Variants in SETBP1 observed in about 807,000 individuals in gnomAD.
The protein encoded by SETBP1 is SET-binding protein.
A neutral mutation model predicts 101.0 loss-of-function variants in SETBP1; 9 were observed. That is an observed-to-expected ratio of 0.09 (90% CI 0.05 to 0.16). The LOEUF is 0.16. Ranked by LOEUF, SETBP1 falls within the 10% of genes least tolerant of loss-of-function variation. The pLI, the probability that SETBP1 is intolerant of heterozygous loss-of-function variation, is 1.00. For synonymous variants in SETBP1, 818 were observed against 788.5 expected (o/e 1.04, Z -0.63); for missense variants, 1,858 against 2,033.8 (o/e 0.91, Z 1.66).
At chr18:45,015,908 G>A (rs1196289654) in intron 4 of SETBP1, among the ~76,000 whole-genome samples, 1 of 152,210 alleles carries the variant, frequency 6.6e-6, no homozygotes, top group Non-Finnish European at 1.5e-5. Context: ...CTTACAAGAT[G>A]TCACATGTAT....
chr18:44,947,007 CTTCA>C (rs1016857633), intron 3 of SETBP1, among the ~76,000 whole-genome samples: 10 of 152,164 alleles, frequency 6.6e-5, no homozygotes, highest in African/African-American at 2.4e-4. Context: ...ATGTATGCTT[CTTCA>C]TTCATTCAGT....
At chr18:44,921,026 C>G (rs904649554) in intron 3 of SETBP1, among the ~76,000 whole-genome samples, 1 of 152,176 alleles carries the variant, frequency 6.6e-6, no homozygotes, top group African/African-American at 2.4e-5. Context: ...CATTAACTAC[C>G]TGGATGACCT....
At chr18:44,839,976 T>C (rs2072583685) in intron 2 of SETBP1, among the ~76,000 whole-genome samples, 1 of 152,232 alleles carries the variant, frequency 6.6e-6, no homozygotes, top group South Asian at 2.1e-4. Flanking sequence ...GAGGTCATTC[T>C]GAGAACAAGT....
chr18:45,031,645 G>A (rs2073299866), intron 4 of SETBP1, among the ~76,000 whole-genome samples: 1 of 152,182 alleles, frequency 6.6e-6, no homozygotes, highest in African/African-American at 2.4e-5. Flanking sequence ...TTTGAGCCTA[G>A]AATGATAGAT....
intron 3 of SETBP1, among the ~76,000 whole-genome samples, chr18:44,940,258 G>T (rs1037494223): frequency 1.3e-5 from 2 of 151,992 alleles, no homozygotes; most frequent in Admixed American, 1.3e-4. Flanking sequence ...AGCTGTCTTT[G>T]TATTTAAAGT....
intron 4 of SETBP1, among the ~76,000 whole-genome samples, chr18:44,991,158 G>C (rs2072365715): frequency 6.8e-6 from 1 of 147,474 alleles, no homozygotes; most frequent in African/African-American, 2.5e-5. Flanking sequence ...CGAGAGAATT[G>C]CTTGAACCCA....
At chr18:45,062,814 G>A (rs1260320026) in intron 5 of SETBP1, among the ~76,000 whole-genome samples, 1 of 152,090 alleles carries the variant, frequency 6.6e-6, no homozygotes, top group Non-Finnish European at 1.5e-5. Context: ...CTTTACAACG[G>A]AAGCAACAAT....
In SETBP1 at chr18:45,016,438, A is replaced by C. The variant is rs1265612055; in HGVS notation, c.4001-22047A>C. 8.5e-5 allele frequency among the ~76,000 whole-genome samples: 13 copies of C among 152,080 alleles called. 1 individual carries two copies. The highest frequency in any genetic ancestry group is 8.5e-4 in the Admixed American group (13 of 15,262). ...GGACCCCTTCAGCCCCCACCTAGGA[A>C]GGGGGAGCATCCCACAGAGTTCCCT... On this transcript the variant is annotated intron_variant, in intron 4 of 5. Transcript: ENST00000649279.
intron 2 of SETBP1, among the ~76,000 whole-genome samples, chr18:44,737,021 G>A (rs946065478): frequency 8.5e-5 from 13 of 152,126 alleles, no homozygotes; most frequent in African/African-American, 2.7e-4. Flanking sequence ...CTGGTAGACC[G>A]TAGACACTTG....
chr18:44,976,910 T>A (rs1484651956), intron 4 of SETBP1, among the ~76,000 whole-genome samples: 3 of 152,202 alleles, frequency 2.0e-5, no homozygotes, highest in Admixed American at 6.5e-5. Flanking sequence ...AGTCATAGAG[T>A]CATAATTTAA....
At chr18:44,827,621 A>G (rs537832040) in intron 2 of SETBP1, among the ~76,000 whole-genome samples, 9 of 152,304 alleles carry the variant, frequency 5.9e-5, no homozygotes, top group South Asian at 4.1e-4. Context: ...AGCCTTATCA[A>G]TCAAACCATG....
At position 44,952,986 on chromosome 18, in the gene SETBP1, G is replaced by A. The variant is rs768081411; in HGVS notation, c.3646G>A (p.Glu1216Lys). The A allele has an allele frequency of 3.1e-6, 5 of 1,614,156 alleles. No homozygotes were observed. The highest frequency in any genetic ancestry group is 2.5e-6 in the Non-Finnish European group (3 of 1,180,034). ...HKEKQKHQHS[E>K]AGHKASKNNF... The stretch of plus-strand genomic sequence containing the variant: ...GGAGAAACAGAAGCACCAGCACAGC[G>A]AAGCCGGCCACAAAGCTTCTAAGAA... Residue 1216 changes from glutamate to lysine, a missense_variant, in exon 4 of 6, where the codon GAA becomes AAA. Coordinates refer to ENST00000649279, the MANE Select transcript of SETBP1 (RefSeq NM_015559.3).
intron 4 of SETBP1, among the ~76,000 whole-genome samples, chr18:44,963,158 A>G (rs962299256): frequency 6.6e-6 from 1 of 152,064 alleles, no homozygotes; most frequent in Non-Finnish European, 1.5e-5. Context: ...CCCCACTGCC[A>G]TTTTTCCCAC....
At chr18:44,897,807 T>C (rs575363371) in intron 3 of SETBP1, among the ~76,000 whole-genome samples, 4 of 152,272 alleles carry the variant, frequency 2.6e-5, no homozygotes, top group Admixed American at 2.6e-4. Flanking sequence ...AGCTTTGGGC[T>C]GTTCTCTTGG....
chr18:44,838,067 G>A (rs2072534429), intron 2 of SETBP1, among the ~76,000 whole-genome samples: 1 of 152,116 alleles, frequency 6.6e-6, no homozygotes, highest in African/African-American at 2.4e-5. Flanking sequence ...TTTCTGTAAT[G>A]AAGATGATCC....
chr18:44,847,451 A>C (rs2072746988), intron 2 of SETBP1, among the ~76,000 whole-genome samples: 1 of 152,238 alleles, frequency 6.6e-6, no homozygotes, highest in South Asian at 2.1e-4. Flanking sequence ...GAACCCTCAG[A>C]AGAACATGGG....
intron 4 of SETBP1, among the ~76,000 whole-genome samples, chr18:45,030,135 T>C (rs1330158335): frequency 1.3e-5 from 2 of 149,452 alleles, no homozygotes; most frequent in East Asian, 3.9e-4. Flanking sequence ...CCGTATGATA[T>C]TGGCTGTGGG....
intron 4 of SETBP1, among the ~76,000 whole-genome samples, chr18:45,024,275 G>T (rs2073123730): frequency 6.6e-6 from 1 of 152,166 alleles, no homozygotes; most frequent in Non-Finnish European, 1.5e-5. Context: ...GAGACAAGAT[G>T]CCAGTTCAGA....
rs551398281 is a variant in SETBP1 at position 45,067,260 on chromosome 18, A to T, written c.*3562A>T. ...GGTGACAGAATTATAGTATAAGGTG[A>T]TGTACTACATGCAGATCATAAAGGC... On this transcript the variant is annotated 3_prime_UTR_variant, in exon 6 of 6. Coordinates refer to ENST00000649279, the MANE Select transcript of SETBP1 (RefSeq NM_015559.3). 2.0e-5 allele frequency: 3 copies of T among 152,360 alleles called. No individual in the cohort carries two copies. The highest frequency in any genetic ancestry group is 6.5e-5 in the Admixed American group (1 of 15,306). 9.4% of individuals were successfully genotyped at this position (152,360 alleles called of 1,614,324 possible). A position where few individuals can be genotyped will look rare whatever the true frequency, so the allele number is the denominator to read the frequency against.
Sources: allele counts gnomAD v4.1 joint callset (sites outside exome capture counted in the v4.1 genomes callset), GRCh38; gene constraint gnomAD v4.1.1; transcripts MANE v1.5; gene names NCBI Gene and HGNC (gene_info 2026-07-23, HGNC 2026-07-21).